UNC5C: variants seen among roughly 807,000 people sequenced by gnomAD.
UNC5C encodes the protein netrin receptor UNC5C.
UNC5C carries 47 observed loss-of-function variants against 99.8 expected under a neutral mutation model. The observed-to-expected ratio is 0.47, with a 90% CI of 0.37 to 0.60. The LOEUF (loss-of-function observed/expected upper bound fraction) is 0.60. UNC5C is among the 20% of genes least tolerant of loss of function. UNC5C has a pLI of 0.00. For missense variants in UNC5C, 1,062 were observed against 1,165.9 expected, an observed-to-expected ratio of 0.91 and a Z score of 1.30; for synonymous variants, 487 against 452.2, an observed-to-expected ratio of 1.08 and a Z score of -0.98.
chr4:95,274,283 G>GC (rs1740772494), intron 4 of UNC5C, among the ~76,000 whole-genome samples: 1 of 152,102 alleles, frequency 6.6e-6, no homozygotes, highest in African/African-American at 2.4e-5. Context: ...TCACCCGCAG[G>GC]CCCTGGCTGG....
At chr4:95,330,960 C>T (rs540370214) in intron 2 of UNC5C, among the ~76,000 whole-genome samples, 12 of 151,960 alleles carry the variant, frequency 7.9e-5, no homozygotes, top group South Asian at 2.1e-4. Flanking sequence ...ATTACCAACC[C>T]CCCTCACCCA....
rs1296745769 is a variant in UNC5C at position 95,294,267 on chromosome 4, C to T, written c.490+7339G>A. The stretch of plus-strand genomic sequence containing the variant: ...GACAGTGTGCTGGATACTATAGACT[C>T]ACGAATATGAACAAGACTTGATCCA... On this transcript the variant is annotated intron_variant, in intron 3 of 15. Transcript: ENST00000453304. 4.6e-5 allele frequency among the ~76,000 whole-genome samples: 7 copies of T among 152,294 alleles called. No individual in the cohort carries two copies. In the South Asian group the frequency reaches 8.3e-4, roughly 18 times the overall value.
intron 1 of UNC5C, among the ~76,000 whole-genome samples, chr4:95,428,651 A>G (rs971392065): frequency 1.3e-5 from 2 of 152,112 alleles, no homozygotes; most frequent in Non-Finnish European, 2.9e-5. Flanking sequence ...ACACATACCT[A>G]TGGAATGACA....
intron 4 of UNC5C, among the ~76,000 whole-genome samples, chr4:95,256,699 A>AATATATATATATATATAT (rs377553615): frequency 1.1e-4 from 10 of 90,678 alleles, no homozygotes; most frequent in African/African-American, 1.8e-4. Flanking sequence ...GAACTAAATA[A>AATATATATATATATATAT]ATATATATAT....
intron 1 of UNC5C, among the ~76,000 whole-genome samples, chr4:95,503,517 A>G (rs1420890158): frequency 1.3e-5 from 2 of 152,108 alleles, no homozygotes; most frequent in Non-Finnish European, 2.9e-5. Flanking sequence ...TTTATTGTCT[A>G]TTAGAGAGTC....
intron 1 of UNC5C, among the ~76,000 whole-genome samples, chr4:95,441,286 C>T (rs958754817): frequency 6.6e-6 from 1 of 152,168 alleles, no homozygotes; most frequent in Non-Finnish European, 1.5e-5. Flanking sequence ...CCTAGCTCAA[C>T]AAAAGGAAGC....
chr4:95,343,953 C>T (rs983302100), intron 1 of UNC5C, among the ~76,000 whole-genome samples: 3 of 151,792 alleles, frequency 2.0e-5, no homozygotes, highest in South Asian at 4.2e-4. Context: ...TAGCAAATAG[C>T]CTCAAAGGGA....
chr4:95,467,649 T>G (rs900426318), intron 1 of UNC5C, among the ~76,000 whole-genome samples: 1 of 152,048 alleles, frequency 6.6e-6, no homozygotes, highest in African/African-American at 2.4e-5. Flanking sequence ...TCCAGGAAAG[T>G]CTCTTAGGAA....
chr4:95,441,523 T>G (rs1311048695), intron 1 of UNC5C, among the ~76,000 whole-genome samples: 1 of 152,178 alleles, frequency 6.6e-6, no homozygotes, highest in Non-Finnish European at 1.5e-5. Flanking sequence ...TACTTTGGCC[T>G]AATGTTATTT....
intron 1 of UNC5C, among the ~76,000 whole-genome samples, chr4:95,374,681 T>C (rs919774458): frequency 6.6e-6 from 1 of 152,070 alleles, no homozygotes; most frequent in Non-Finnish European, 1.5e-5. Context: ...AGGAGCATAG[T>C]TGGGGAAAGG....
At chr4:95,426,165 A>G (rs2149458499) in intron 1 of UNC5C, among the ~76,000 whole-genome samples, 1 of 152,304 alleles carries the variant, frequency 6.6e-6, no homozygotes, top group African/African-American at 2.4e-5. Context: ...TCTCTATGTC[A>G]CATTTTGTTA....
chr4:95,170,057 A>G (rs747650118), intron 15 of UNC5C, 97 bp downstream of exon 15: 26 of 1,472,614 alleles, frequency 1.8e-5, no homozygotes, highest in Non-Finnish European at 2.2e-5. Context: ...AGATGTGTGG[A>G]TGGAAAAAAA....
Position 95,248,305 on chromosome 4 carries a change from G to T in UNC5C, c.775+2182C>A, listed in dbSNP as rs569060002. ...ATTTACTTAATATAACTTTTACATG[G>T]CCTAAGAAAATGAAGACCCAAAGAT... On this transcript the variant is annotated intron_variant, in intron 5 of 15. Transcript: ENST00000453304. 1.1e-3 allele frequency: 299 copies of T among 260,196 alleles called. 1 individual carries two copies. Among genetic ancestry groups the T allele is most frequent in the Non-Finnish European group, 3.3e-4 (43 of 131,678 alleles). The allele number at this position is 260,196 out of a possible 1,614,324, so 16.1% of individuals were successfully genotyped here. A position where few individuals can be genotyped will look rare whatever the true frequency, so the allele number is the denominator to read the frequency against.
Position 95,201,750 on chromosome 4 carries a change from C to A in UNC5C, c.2136+981G>T, listed in dbSNP as rs756364601. Among the ~76,000 whole-genome samples the A allele has an allele frequency of 2.6e-5, 4 of 151,986 alleles. No homozygotes were observed. The South Asian group carries it at 6.2e-4, about 24-fold the overall frequency. On this transcript the variant is annotated intron_variant, in intron 12 of 15. Coordinates refer to ENST00000453304, the MANE Select transcript of UNC5C (RefSeq NM_003728.4). ...TCCTGAGTAGCTGGGACTACAGATG[C>A]CTGCCATCATGCCCGGCTAATTTTT...
intron 12 of UNC5C, among the ~76,000 whole-genome samples, chr4:95,196,227 A>G (rs1737376496): frequency 6.6e-6 from 1 of 152,168 alleles, no homozygotes; most frequent in Admixed American, 6.5e-5. Context: ...GTCATTGCAA[A>G]TAATGAAAGG....
At chr4:95,343,434 C>T (rs762340088) in intron 1 of UNC5C, among the ~76,000 whole-genome samples, 13 of 152,038 alleles carry the variant, frequency 8.6e-5, no homozygotes, top group Non-Finnish European at 1.8e-4. Flanking sequence ...TATGAGTCTG[C>T]AAAAGTCATA....
chr4:95,502,205 C>T (rs1721792919), intron 1 of UNC5C, among the ~76,000 whole-genome samples: 1 of 152,064 alleles, frequency 6.6e-6, no homozygotes, highest in South Asian at 2.1e-4. Flanking sequence ...TATGACTGGC[C>T]CCCAATCACC....
At chr4:95,257,152 ACCCTCCTAATGGC>A (rs760129441) in intron 4 of UNC5C, among the ~76,000 whole-genome samples, 6 of 151,906 alleles carry the variant, frequency 3.9e-5, no homozygotes, top group Admixed American at 6.6e-5. Flanking sequence ...CTCATCTCAA[ACCCTCCTAATGGC>A]TCCTTCTCTT....
intron 15 of UNC5C, 82 bp from the exon 16 acceptor site, chr4:95,169,481 A>T: frequency 6.7e-7 from 1 of 1,491,156 alleles, no homozygotes; most frequent in Non-Finnish European, 9.1e-7. Flanking sequence ...CTGTCTCTCT[A>T]CTTGTCTTTA....
Sources: gnomAD v4.1 joint callset for allele counts (sites outside exome capture counted in the v4.1 genomes callset) on GRCh38, gnomAD v4.1.1 for gene constraint, MANE v1.5 for transcripts, NCBI Gene and HGNC (gene_info 2026-07-23, HGNC 2026-07-21) for gene names.